The following CLTA variants were observed in gnomAD, a reference collection of about 807,000 sequenced individuals.
CLTA encodes the protein clathrin, light polypeptide (Lca).
In CLTA, 9 loss-of-function variants were observed where a neutral mutation model predicts 26.9. The observed-to-expected ratio is 0.33, with a 90% confidence interval of 0.20 to 0.58. The LOEUF is 0.58. Among genes scored for constraint, CLTA ranks in the 20% least tolerant of loss-of-function variants. The pLI is 0.85. For missense variants in CLTA, 278 were observed against 294.2 expected (o/e 0.94, Z 0.40); for synonymous variants, 120 against 115.5 (o/e 1.04, Z -0.25).
intron 1 of CLTA, among the ~76,000 whole-genome samples, chr9:36,191,508 G>C (rs1442266408): frequency 6.6e-6 from 1 of 152,186 alleles, no homozygotes. Context: ...AGCAAGTGTA[G>C]GGTGGCAGGC....
chr9:36,206,297 G>C (rs1827721555), intron 4 of CLTA, among the ~76,000 whole-genome samples: 1 of 148,986 alleles, frequency 6.7e-6, no homozygotes, highest in Non-Finnish European at 1.5e-5. Context: ...TGACTCTTGA[G>C]AGCATAACGC....
intron 4 of CLTA, among the ~76,000 whole-genome samples, chr9:36,206,641 T>C (rs1827741870): frequency 6.6e-6 from 1 of 152,156 alleles, no homozygotes; most frequent in Non-Finnish European, 1.5e-5. Flanking sequence ...ACATCTGTAA[T>C]TCCAGCACAT....
At chr9:36,193,046 T>G (rs931533992) in intron 1 of CLTA, among the ~76,000 whole-genome samples, 3 of 152,170 alleles carry the variant, frequency 2.0e-5, no homozygotes, top group Non-Finnish European at 4.4e-5. Flanking sequence ...AACTGACAGA[T>G]CTTGGTGACG....
chr9:36,195,105 T>C (rs1826944857), intron 1 of CLTA, among the ~76,000 whole-genome samples: 1 of 152,234 alleles, frequency 6.6e-6, no homozygotes, highest in South Asian at 2.1e-4. Context: ...GACTAGCCAC[T>C]GTAGGATCTA....
At chr9:36,197,997 C>CTTTTTTTT (rs11308341) in intron 2 of CLTA, among the ~76,000 whole-genome samples, 2 of 104,246 alleles carry the variant, frequency 1.9e-5, no homozygotes, top group Non-Finnish European at 3.8e-5. Flanking sequence ...TTATTTGAGT[C>CTTTTTTTT]TTTTTTTTTT....
At chr9:36,197,721 T>C in intron 2 of CLTA, 133 bp downstream of exon 2, 1 of 660,802 alleles carries the variant, frequency 1.5e-6, no homozygotes, top group East Asian at 2.7e-5. Flanking sequence ...GTGTGTTATC[T>C]ACCAAAGTGG....
rs78798961 is a variant in CLTA, at chr9:36,202,164, T to A, written c.374-1904T>A. 5.1e-4 allele frequency among the ~76,000 whole-genome samples: 77 copies of A among 152,188 alleles called. No individual in the cohort carries two copies. In the East Asian group the frequency reaches 0.013, roughly 27 times the overall value. Reference sequence around the variant, plus strand: ...ATACTTTAGAGTCATCAGTGAAAAATCTGAGAAAATGATTCTTCTGAACGA... The same window carrying A: ...ATACTTTAGAGTCATCAGTGAAAAAACTGAGAAAATGATTCTTCTGAACGA... On this transcript the variant is annotated intron_variant, in intron 3 of 4. Transcript: ENST00000345519.
At chr9:36,210,791 C>T in intron 4 of CLTA, 1 of 988,582 alleles carries the variant, frequency 1.0e-6, no homozygotes, top group Non-Finnish European at 1.6e-6. Context: ...CCCCACAGAC[C>T]AGTCATCTCC....
In CLTA at chr9:36,199,033, C is replaced by G. The variant is rs553125203; in HGVS notation, c.310C>G (p.Gln104Glu). Residue 104 changes from glutamine (Q) to glutamate (E), a missense_variant, in exon 3 of 5, where the codon CAG becomes GAG. Transcript: ENST00000345519. ...AGCTATTTCACAAGTGGATCGATTG[C>G]AGTCAGAGCCTGAAAGTATCCGTAA... ...YAAISQVDRL[Q>E]SEPESIRKWR... 1 of 1,613,930 alleles carries G rather than the reference C, an allele frequency of 6.2e-7. No individual in the cohort carries two copies. The highest frequency in any genetic ancestry group is 2.2e-5 in the East Asian group (1 of 44,874).
In CLTA at chr9:36,191,341, G is replaced by C; in HGVS notation, c.217+68G>C. ...AACTCGGTCCACAGTGGGTCCGAGA[G>C]CTTCTGTGTGACTCGTGCTCCTTGC... On this transcript the variant is annotated intron_variant, in intron 1 of 4. Transcript: ENST00000345519. 4 of 1,417,666 alleles carry C rather than the reference G, an allele frequency of 2.8e-6. No individual in the cohort carries two copies. The South Asian group carries it at 4.4e-5, about 16-fold the overall frequency. 87.8% of individuals were successfully genotyped at this position (1,417,666 alleles called of 1,614,324 possible).
At chr9:36,204,327 C>A in intron 4 of CLTA, 148 bp downstream of exon 4, 1 of 817,556 alleles carries the variant, frequency 1.2e-6, no homozygotes, top group Non-Finnish European at 1.9e-6. Context: ...GGTTGCAAGT[C>A]TCTCGGGTCT....
chr9:36,204,808 A>T (rs916056715), intron 4 of CLTA, among the ~76,000 whole-genome samples: 35 of 152,242 alleles, frequency 2.3e-4, no homozygotes, highest in African/African-American at 7.5e-4. Context: ...ACTACTCACC[A>T]GCAGCTGGGC....
intron 3 of CLTA, among the ~76,000 whole-genome samples, chr9:36,202,337 C>A (rs1359495939): frequency 6.6e-6 from 1 of 152,100 alleles, no homozygotes; most frequent in Non-Finnish European, 1.5e-5. Flanking sequence ...TTGCAAAGGC[C>A]CTAAAAATGC....
intron 2 of CLTA, among the ~76,000 whole-genome samples, chr9:36,197,887 C>T (rs1053606906): frequency 6.6e-6 from 1 of 151,990 alleles, no homozygotes; most frequent in Non-Finnish European, 1.5e-5. Context: ...AAATAATTCT[C>T]CTTCCATCTT....
chr9:36,209,208 T>C, intron 4 of CLTA: 1 of 1,608,690 alleles, frequency 6.2e-7, no homozygotes, highest in Non-Finnish European at 8.5e-7. Flanking sequence ...TTTCTGCTTC[T>C]CAATGTTCTC....
chr9:36,204,543 G>A (rs1827606824), intron 4 of CLTA, among the ~76,000 whole-genome samples: 1 of 152,144 alleles, frequency 6.6e-6, no homozygotes, highest in Non-Finnish European at 1.5e-5. Flanking sequence ...TGGTCATGTT[G>A]AGTCTCCTCA....
At chr9:36,204,329 C>T in intron 4 of CLTA, 150 bp downstream of exon 4, 1 of 819,326 alleles carries the variant, frequency 1.2e-6, no homozygotes, top group South Asian at 1.8e-5. Context: ...TTGCAAGTCT[C>T]TCGGGTCTTG....
chr9:36,197,526 TAGAC>T lies in CLTA; in HGVS notation c.218-24_218-21del, dbSNP rs1827126726. On this transcript the variant is annotated intron_variant, in intron 1 of 4. Coordinates refer to ENST00000345519, the MANE Select transcript of CLTA (RefSeq NM_001833.4). The stretch of plus-strand genomic sequence containing the variant: ...CCAGTGTTTGACCAGTCCTTATTGA[TAGAC>T]CAAAATCTTATGTCTTGCAGATGCT... 1.9e-6 allele frequency: 3 copies of T among 1,601,128 alleles called. No individual in the cohort carries two copies. The East Asian group carries it at 6.7e-5, about 36-fold the overall frequency.
rs769993468 is a variant in CLTA at position 36,199,005 on chromosome 9, T to C, written c.282T>C (p.Tyr94=). Residue 94 remains tyrosine (Y), a synonymous_variant, in exon 3 of 5, where the codon TAT becomes TAC. Coordinates refer to ENST00000345519, the MANE Select transcript of CLTA (RefSeq NM_001833.4). ...YQESNGPTDS[Y]AAISQVDRLQ... is the part of the protein sequence containing the mutation. The stretch of plus-strand genomic sequence containing the variant: ...AAAGTAATGGTCCAACAGACAGTTA[T>C]GCAGCTATTTCACAAGTGGATCGAT... 2.4e-5 allele frequency: 38 copies of C among 1,613,546 alleles called. No homozygotes were observed. In the South Asian group the frequency reaches 3.0e-4, roughly 13 times the overall value.
Sources: gnomAD v4.1 joint callset for allele counts (sites outside exome capture counted in the v4.1 genomes callset) on GRCh38, gnomAD v4.1.1 for gene constraint, MANE v1.5 for transcripts, NCBI Gene and HGNC (gene_info 2026-07-23, HGNC 2026-07-21) for gene names.